The following SYPL1 variants were observed in gnomAD, a reference collection of about 807,000 sequenced individuals.
The protein encoded by SYPL1 is synaptophysin-like protein 1.
SYPL1 carries 6 observed loss-of-function variants against 23.7 expected under a neutral mutation model. The ratio of observed to expected loss-of-function variants is 0.25; its 90% CI spans 0.14 to 0.50. The LOEUF is 0.50. Among genes scored for constraint, SYPL1 ranks in the 20% least tolerant of loss-of-function variants. The pLI is 0.98. For missense variants in SYPL1, 253 were observed against 288.9 expected (o/e 0.88, Z 0.90); for synonymous variants, 102 against 104.5 (o/e 0.98, Z 0.15).
intron 3 of SYPL1, among the ~76,000 whole-genome samples, chr7:106,094,799 T>C (rs1178008604): frequency 2.0e-5 from 3 of 152,176 alleles, no homozygotes; most frequent in Non-Finnish European, 4.4e-5. Flanking sequence ...TTCGTAGTTA[T>C]ACTCTTAAAT....
chr7:106,111,984 GCCTCCCTGC>G (rs1011699327), intron 1 of SYPL1, 147 bp downstream of exon 1: 12 of 981,304 alleles, frequency 1.2e-5, no homozygotes, highest in Non-Finnish European at 1.5e-5. Context: ...CCAGGCCGCG[GCCTCCCTGC>G]CCTCCCTGCC....
At position 106,109,616 on chromosome 7, in the gene SYPL1, A is replaced by G. The variant is rs1018550124; in HGVS notation, c.69+2524T>C. 3.3e-5 allele frequency among the ~76,000 whole-genome samples: 5 copies of G among 152,142 alleles called. No individual in the cohort carries two copies. Among genetic ancestry groups the G allele is most frequent in the African/African-American group, 1.2e-4 (5 of 41,430 alleles). On this transcript the variant is annotated intron_variant, in intron 1 of 4. Transcript: ENST00000455385. This position sits in a 1 kb window ranked among gnomAD's most constrained non-coding sequence, Gnocchi z 4.3. Reference sequence around the variant, plus strand: ...GCTGTATCCTATAGGATACCTCCAAAAGATCTAAAGAGACCACAAACTCAA... The same window carrying G: ...GCTGTATCCTATAGGATACCTCCAAGAGATCTAAAGAGACCACAAACTCAA...
chr7:106,107,460 G>A (rs1015708417), intron 1 of SYPL1, among the ~76,000 whole-genome samples: 4 of 152,180 alleles, frequency 2.6e-5, no homozygotes, highest in African/African-American at 9.7e-5. Flanking sequence ...TTGGATTATG[G>A]CCGGCTGCAG....
intron 1 of SYPL1, among the ~76,000 whole-genome samples, chr7:106,111,536 T>C (rs1157445254): frequency 1.3e-5 from 2 of 152,254 alleles, no homozygotes. Flanking sequence ...CCTAACGTGT[T>C]ATTAAGTGAA....
intron 1 of SYPL1, among the ~76,000 whole-genome samples, chr7:106,111,290 T>C (rs982352111): frequency 2.6e-5 from 4 of 152,240 alleles, no homozygotes; most frequent in African/African-American, 9.6e-5. Context: ...ATGTAAATGC[T>C]GCTGTCTATA....
upstream of SYPL1, chr7:106,112,467 C>T (rs775572127): frequency 1.0e-5 from 15 of 1,503,024 alleles, no homozygotes; most frequent in Non-Finnish European, 1.2e-5. Flanking sequence ...GAGGCTTCTC[C>T]TCAGGCCGCA....
intron 2 of SYPL1, among the ~76,000 whole-genome samples, chr7:106,098,401 AG>A (rs1406856121): frequency 6.6e-6 from 1 of 152,212 alleles, no homozygotes; most frequent in Non-Finnish European, 1.5e-5. Flanking sequence ...AGAAGTGTCT[AG>A]GAGAAAGGAT....
In SYPL1 at chr7:106,112,254, G is replaced by T; in HGVS notation, c.-46C>A. On this transcript the variant is annotated 5_prime_UTR_variant, in exon 1 of 5. Coordinates refer to ENST00000455385, the MANE Select transcript of SYPL1 (RefSeq NM_182715.4). ...AGAGAGTCAGGACGACGGGGCGGAG[G>T]AGGGGACCGACGAGACCAGAGCAGC... The T allele has an allele frequency of 6.6e-7, 1 of 1,514,506 alleles. No individual in the cohort carries two copies. Among genetic ancestry groups the T allele is most frequent in the Non-Finnish European group, 8.9e-7 (1 of 1,121,268 alleles). The allele number at this position is 1,514,506 out of a possible 1,614,324, so 93.8% of individuals were successfully genotyped here. A position where few individuals can be genotyped will look rare whatever the true frequency, so the allele number is the denominator to read the frequency against.
At chr7:106,107,844 T>C (rs959862286) in intron 1 of SYPL1, among the ~76,000 whole-genome samples, 2 of 152,168 alleles carry the variant, frequency 1.3e-5, no homozygotes, top group East Asian at 1.9e-4. Flanking sequence ...TCATTGTATG[T>C]TGAAAACACA....
chr7:106,096,636 CA>C lies in SYPL1; in HGVS notation c.402+1053del, dbSNP rs2116102415. On this transcript the variant is annotated intron_variant, in intron 3 of 4. Transcript: ENST00000455385. This position sits in a 1 kb window ranked among gnomAD's most constrained non-coding sequence, Gnocchi z 4.4. ...TTTCTAGCTCAGTAGGCTCTGAAGCCAAAAGTATAGGACTTCAAATCTAAGT... is the reference window on the plus strand; with the variant it reads ...TTTCTAGCTCAGTAGGCTCTGAAGCCAAAGTATAGGACTTCAAATCTAAGT... Among the ~76,000 whole-genome samples the C allele has an allele frequency of 6.6e-6, 1 of 152,240 alleles. No individual in the cohort carries two copies. The highest frequency in any genetic ancestry group is 2.1e-4 in the South Asian group (1 of 4,826).
chr7:106,092,084 A>G, intron 4 of SYPL1, 145 bp from the exon 5 acceptor site: 1 of 749,936 alleles, frequency 1.3e-6, no homozygotes, highest in South Asian at 2.0e-5. Flanking sequence ...ACTACACACA[A>G]TGAGAAATAA....
intron 3 of SYPL1, among the ~76,000 whole-genome samples, chr7:106,094,163 T>C (rs1380562098): frequency 3.9e-5 from 6 of 152,222 alleles, no homozygotes; most frequent in African/African-American, 1.4e-4. Flanking sequence ...TTGGAGCTTA[T>C]CACAGAAGCA....
In SYPL1 at chr7:106,097,106, C is replaced by T. The variant is rs1840052920; in HGVS notation, c.402+584G>A. 6.6e-6 allele frequency among the ~76,000 whole-genome samples: 1 copy of T among 152,110 alleles called. No individual in the cohort carries two copies. Among genetic ancestry groups the T allele is most frequent in the African/African-American group, 2.4e-5 (1 of 41,412 alleles). The stretch of plus-strand genomic sequence containing the variant: ...TGGCTTGTGACTGTAGTCCCAGCTA[C>T]TCAGGAGGATCATTTGAGCCCAGGA... On this transcript the variant is annotated intron_variant, in intron 3 of 4. Transcript: ENST00000455385. The surrounding 1 kb of genome is among the most constrained non-coding windows in gnomAD (Gnocchi z 4.6).
intron 1 of SYPL1, 97 bp from the exon 2 acceptor site, chr7:106,099,379 T>C: frequency 7.3e-7 from 1 of 1,378,552 alleles, no homozygotes; most frequent in Non-Finnish European, 9.8e-7. Context: ...CACTGATTAT[T>C]AAAAATTGGC....
chr7:106,103,954 G>A (rs777756384), intron 1 of SYPL1, among the ~76,000 whole-genome samples: 6 of 152,254 alleles, frequency 3.9e-5, no homozygotes, highest in Middle Eastern at 3.4e-3. Flanking sequence ...ATGGCTGATC[G>A]ATCCTCAACT....
chr7:106,112,123 G>A lies in SYPL1; in HGVS notation c.69+17C>T. 1 of 1,449,152 alleles carries A rather than the reference G, an allele frequency of 6.9e-7. No homozygotes were observed. Among genetic ancestry groups the A allele is most frequent in the Non-Finnish European group, 9.2e-7 (1 of 1,085,452 alleles). The allele number at this position is 1,449,152 out of a possible 1,614,324, so 89.8% of individuals were successfully genotyped here. ...GCCGAGCGGCAGGCGGGCCTGGCCG[G>A]CGCGGGCTGCACTCACCCACTCGAG... is the stretch of plus-strand genomic sequence containing the variant. On this transcript the variant is annotated intron_variant, in intron 1 of 4. Coordinates refer to ENST00000455385, the MANE Select transcript of SYPL1 (RefSeq NM_182715.4).
rs890380834 is a variant in SYPL1 at position 106,104,563 on chromosome 7, C to G, written c.70-5281G>C. ...GGATTTTCAGTGACTAGCAGAAAACCTGGCACATAGCAGATGCTCACTAAA... is the reference window on the plus strand; with the variant it reads ...GGATTTTCAGTGACTAGCAGAAAACGTGGCACATAGCAGATGCTCACTAAA... On this transcript the variant is annotated intron_variant, in intron 1 of 4. Coordinates refer to ENST00000455385, the MANE Select transcript of SYPL1 (RefSeq NM_182715.4). The surrounding 1 kb of genome is among the most constrained non-coding windows in gnomAD (Gnocchi z 4.1). 3.9e-5 allele frequency among the ~76,000 whole-genome samples: 6 copies of G among 152,148 alleles called. No homozygotes were observed. The highest frequency in any genetic ancestry group is 8.8e-5 in the Non-Finnish European group (6 of 68,024).
In SYPL1 at chr7:106,093,153, G is replaced by A. The variant is rs1839841840; in HGVS notation, c.403-16C>T. 1.3e-6 allele frequency: 2 copies of A among 1,571,968 alleles called. No homozygotes were observed. The stretch of plus-strand genomic sequence containing the variant: ...CAACAAAGTCCTAAAGCAAAAATCA[G>A]TAAGAGTTAATAATGAACAGTTAAT... On this transcript the variant is annotated splice_polypyrimidine_tract_variant and intron_variant, in intron 3 of 4. Coordinates refer to ENST00000455385, the MANE Select transcript of SYPL1 (RefSeq NM_182715.4).
chr7:106,097,287 T>C lies in SYPL1; in HGVS notation c.402+403A>G, dbSNP rs181847694. 3.3e-5 allele frequency among the ~76,000 whole-genome samples: 5 copies of C among 152,274 alleles called. No individual in the cohort carries two copies. The highest frequency in any genetic ancestry group is 9.6e-5 in the African/African-American group (4 of 41,550). On this transcript the variant is annotated intron_variant, in intron 3 of 4. Transcript: ENST00000455385. This position sits in a 1 kb window ranked among gnomAD's most constrained non-coding sequence, Gnocchi z 4.6. Reference sequence around the variant, plus strand: ...CATAGTTTGTGAACCCATGATATAATTAAACTCAATAAGTTTTGTAGAAGT... The same window carrying C: ...CATAGTTTGTGAACCCATGATATAACTAAACTCAATAAGTTTTGTAGAAGT...
Sources: allele counts gnomAD v4.1 joint callset (sites outside exome capture counted in the v4.1 genomes callset), GRCh38; gene constraint gnomAD v4.1.1; non-coding constraint Gnocchi (gnomAD v3.1); transcripts MANE v1.5; gene names NCBI Gene and HGNC (gene_info 2026-07-23, HGNC 2026-07-21).